TBC1D1: variants seen among roughly 807,000 people sequenced by gnomAD.
TBC1D1 encodes TBC1 domain family member 1, also known as TBC1 (tre-2/USP6, BUB2, cdc16) domain family, member 1.
A neutral mutation model predicts 125.6 loss-of-function variants in TBC1D1; 89 were observed. The observed-to-expected ratio is 0.71, with a 90% CI of 0.60 to 0.85. The LOEUF (loss-of-function observed/expected upper bound fraction) is 0.85. TBC1D1 is among the 40% of genes least tolerant of loss of function. The pLI is 0.00. For missense variants in TBC1D1, 1,377 were observed against 1,469.2 expected, an observed-to-expected ratio of 0.94 and a Z score of 1.03; for synonymous variants, 565 against 564.1, an observed-to-expected ratio of 1.00 and a Z score of -0.02.
chr4:38,096,132 T>A, intron 14 of TBC1D1, 42 bp downstream of exon 16: 3 of 1,539,688 alleles, frequency 1.9e-6, no homozygotes, highest in Non-Finnish European at 2.7e-6. Context: ...TCACCCCTCA[T>A]TGGTGATTGG....
chr4:37,910,898 C>T (rs1718457110), intron 2 of TBC1D1, among the ~76,000 whole-genome samples: 1 of 151,874 alleles, frequency 6.6e-6, no homozygotes, highest in African/African-American at 2.4e-5. Flanking sequence ...CAAACTATCT[C>T]ATGTACCACA....
At chr4:37,984,910 C>A (rs1735120194) in intron 2 of TBC1D1, among the ~76,000 whole-genome samples, 1 of 151,680 alleles carries the variant, frequency 6.6e-6, no homozygotes, top group Non-Finnish European at 1.5e-5. Context: ...TATTCACGAA[C>A]ATCTGTACAA....
chr4:38,028,833 G>A (rs537061517), intron 7 of TBC1D1, among the ~76,000 whole-genome samples: 52 of 152,238 alleles, frequency 3.4e-4, no homozygotes, highest in African/African-American at 1.2e-3. Context: ...GACAATGTTT[G>A]GTACATGAAC....
intron 14 of TBC1D1, among the ~76,000 whole-genome samples, chr4:38,102,510 G>T (rs761602225): frequency 6.6e-6 from 1 of 152,100 alleles, no homozygotes; most frequent in Non-Finnish European, 1.5e-5. Flanking sequence ...GGGAGAATAG[G>T]GGGTGGAAGT....
rs568605869 is a variant in TBC1D1, at chr4:38,052,094, C to T, written c.1911-2105C>T. The T allele has an allele frequency of 1.9e-5, 29 of 1,548,572 alleles. No homozygotes were observed. In the African/African-American group the frequency reaches 3.1e-4, roughly 17 times the overall value. On this transcript the variant is annotated intron_variant, in intron 11 of 19. Transcript: ENST00000261439. Reference sequence around the variant, plus strand: ...ACTCACGTGGCAAGTTTGGTGTTGTCTGTTTTCCTGGGGAGTTCACACTGA... The same window carrying T: ...ACTCACGTGGCAAGTTTGGTGTTGTTTGTTTTCCTGGGGAGTTCACACTGA...
intron 6 of TBC1D1, among the ~76,000 whole-genome samples, chr4:38,023,243 C>CA (rs71658750): frequency 0.06 from 4,618 of 76,408 alleles, 205 homozygotes; most frequent in African/African-American, 0.17. Flanking sequence ...CGAGATGTCT[C>CA]AAAAAAAAAA....
At chr4:38,133,971 T>A (rs1300450996) in intron 19 of TBC1D1, among the ~76,000 whole-genome samples, 1 of 152,212 alleles carries the variant, frequency 6.6e-6, no homozygotes, top group African/African-American at 2.4e-5. Flanking sequence ...AGCTCTTTTG[T>A]CAATCTGATG....
intron 2 of TBC1D1, among the ~76,000 whole-genome samples, chr4:38,005,136 G>A (rs763558063): frequency 2.0e-5 from 3 of 152,192 alleles, no homozygotes; most frequent in Non-Finnish European, 4.4e-5. Context: ...ACCTCTGCTG[G>A]TGCTGGTTTG....
chr4:37,959,434 C>T (rs750841934), intron 2 of TBC1D1, among the ~76,000 whole-genome samples: 3 of 152,180 alleles, frequency 2.0e-5, no homozygotes, highest in African/African-American at 4.8e-5. Context: ...ATTGTCTTCA[C>T]GTTGAATAGG....
intron 19 of TBC1D1, 151 bp from the exon 22 acceptor site, chr4:38,136,984 C>T: frequency 7.7e-7 from 1 of 1,304,276 alleles, no homozygotes; most frequent in Non-Finnish European, 1.1e-6. Flanking sequence ...GAGTTGCCTT[C>T]CTGTGTGGCC....
chr4:37,923,743 C>T (rs1721506882), intron 2 of TBC1D1, among the ~76,000 whole-genome samples: 1 of 149,048 alleles, frequency 6.7e-6, no homozygotes, highest in Non-Finnish European at 1.5e-5. Context: ...GCAGTGGTAC[C>T]ATCTCAGCTC....
intron 12 of TBC1D1, among the ~76,000 whole-genome samples, chr4:38,074,403 G>A (rs1473899500): frequency 6.6e-6 from 1 of 152,182 alleles, no homozygotes; most frequent in African/African-American, 2.4e-5. Flanking sequence ...GCAGTGAGGT[G>A]AAACGTGGCC....
At chr4:38,029,332 G>A (rs1745685833) in intron 7 of TBC1D1, among the ~76,000 whole-genome samples, 1 of 152,080 alleles carries the variant, frequency 6.6e-6, no homozygotes, top group Admixed American at 6.6e-5. Context: ...TCTGCTTTCT[G>A]TTAGTGTAAA....
chr4:37,969,374 C>G (rs1257573303), intron 2 of TBC1D1, among the ~76,000 whole-genome samples: 1 of 152,218 alleles, frequency 6.6e-6, no homozygotes, highest in African/African-American at 2.4e-5. Flanking sequence ...CAGAGTTCCG[C>G]TCTTGTCGCC....
intron 2 of TBC1D1, among the ~76,000 whole-genome samples, chr4:37,915,453 C>G (rs1047407170): frequency 1.3e-5 from 2 of 152,244 alleles, no homozygotes; most frequent in Non-Finnish European, 1.5e-5. Flanking sequence ...CCGGGAGAAC[C>G]AAGGGAAGGG....
intron 18 of TBC1D1, among the ~76,000 whole-genome samples, chr4:38,131,783 G>T (rs1245211968): frequency 6.6e-6 from 1 of 152,176 alleles, no homozygotes; most frequent in East Asian, 1.9e-4. Flanking sequence ...GGACAAAAGA[G>T]AATCAGTTCA....
intron 2 of TBC1D1, among the ~76,000 whole-genome samples, chr4:37,971,608 A>G (rs1467215991): frequency 1.3e-5 from 2 of 152,130 alleles, no homozygotes; most frequent in Non-Finnish European, 2.9e-5. Flanking sequence ...CAGCCAAACC[A>G]TATCAGATAC....
At chr4:38,070,242 T>A (rs1477399750) in intron 12 of TBC1D1, among the ~76,000 whole-genome samples, 1 of 152,258 alleles carries the variant, frequency 6.6e-6, no homozygotes, top group East Asian at 1.9e-4. Flanking sequence ...GCTGGCTAAC[T>A]TTCTGTCAAA....
intron 18 of TBC1D1, among the ~76,000 whole-genome samples, chr4:38,130,415 A>G (rs944270421): frequency 6.6e-6 from 1 of 152,238 alleles, no homozygotes; most frequent in Non-Finnish European, 1.5e-5. Flanking sequence ...TCGGCAAAAC[A>G]TCGAAAGTAT....
Sources: allele counts gnomAD v4.1 joint callset (sites outside exome capture counted in the v4.1 genomes callset), GRCh38; gene constraint gnomAD v4.1.1; transcripts MANE v1.5; gene names NCBI Gene and HGNC (gene_info 2026-07-23, HGNC 2026-07-21).